RGS7BP: variants seen among roughly 807,000 people sequenced by gnomAD.
The protein encoded by RGS7BP is regulator of G protein signaling 7-binding protein.
A neutral mutation model predicts 31.3 loss-of-function variants in RGS7BP; 9 were observed. The observed-to-expected ratio is 0.29, with a 90% CI of 0.17 to 0.50. The LOEUF (loss-of-function observed/expected upper bound fraction) is 0.50, where lower values mean the gene tolerates loss of function less well. RGS7BP is among the 20% of genes least tolerant of loss of function. The pLI is 0.98. For missense variants in RGS7BP, 274 were observed against 322.0 expected, an observed-to-expected ratio of 0.85 and a Z score of 1.14; for synonymous variants, 115 against 120.1, an observed-to-expected ratio of 0.96 and a Z score of 0.28.
At chr5:64,530,341 C>A (rs530998027) in intron 2 of RGS7BP, among the ~76,000 whole-genome samples, 3 of 152,244 alleles carry the variant, frequency 2.0e-5, no homozygotes, top group East Asian at 3.9e-4. Flanking sequence ...AGATTGCATA[C>A]AAAATGAGAT....
At chr5:64,524,705 G>A (rs1217904560) in intron 2 of RGS7BP, among the ~76,000 whole-genome samples, 1 of 152,028 alleles carries the variant, frequency 6.6e-6, no homozygotes, top group Non-Finnish European at 1.5e-5. Flanking sequence ...AGCCCCCAAA[G>A]AGATAGTGCA....
In RGS7BP at chr5:64,551,969, GCTTGACAACTGCATGTTTGATAC is replaced by G. The variant is rs1412301153; in HGVS notation, c.333-23801_333-23779del. 2.6e-5 allele frequency among the ~76,000 whole-genome samples: 4 copies of G among 152,250 alleles called. No individual in the cohort carries two copies. The East Asian group carries it at 7.7e-4, about 29-fold the overall frequency. On this transcript the variant is annotated intron_variant, in intron 2 of 5. Transcript: ENST00000334025. ...GTATACTAAAAACAGAAGCAGGTTA[GCTTGACAACTGCATGTTTGATAC>G]CTTATAAACTGGATTAGAATTTGTA...
chr5:64,518,770 A>G (rs17191346), intron 2 of RGS7BP, among the ~76,000 whole-genome samples: 4,932 of 152,272 alleles, frequency 0.032, 98 homozygotes, highest in Middle Eastern at 0.078. Context: ...ACATTGGTTC[A>G]TGATTGAAGA....
intron 2 of RGS7BP, among the ~76,000 whole-genome samples, chr5:64,545,339 A>C (rs906064623): frequency 2.0e-5 from 3 of 152,086 alleles, no homozygotes; most frequent in African/African-American, 4.8e-5. Flanking sequence ...GGTGCAGCAC[A>C]CCAACATGGC....
At chr5:64,589,296 AAAAAAAAAC>A (rs1353823660) in intron 3 of RGS7BP, among the ~76,000 whole-genome samples, 1 of 150,692 alleles carries the variant, frequency 6.6e-6, no homozygotes, top group Non-Finnish European at 1.5e-5. Context: ...ACTCTGTCTC[AAAAAAAAAC>A]AAAAAAAAAA....
At chr5:64,538,215 TAC>T (rs886436717) in intron 2 of RGS7BP, among the ~76,000 whole-genome samples, 7 of 152,242 alleles carry the variant, frequency 4.6e-5, no homozygotes, top group Non-Finnish European at 8.8e-5. Flanking sequence ...TGGCTTAACT[TAC>T]ACACAATAAA....
chr5:64,602,497 G>C (rs1003702311), intron 5 of RGS7BP, among the ~76,000 whole-genome samples: 50 of 152,120 alleles, frequency 3.3e-4, no homozygotes, highest in Admixed American at 3.3e-3. Flanking sequence ...AGCAGCCTTT[G>C]TCCCCATCCT....
At chr5:64,548,061 A>G (rs1741702394) in intron 2 of RGS7BP, among the ~76,000 whole-genome samples, 1 of 152,184 alleles carries the variant, frequency 6.6e-6, no homozygotes, top group Admixed American at 6.5e-5. Flanking sequence ...ATGACAATTC[A>G]TATAACATTA....
intron 2 of RGS7BP, among the ~76,000 whole-genome samples, chr5:64,512,340 G>GA (rs1748860431): frequency 1.3e-5 from 2 of 152,092 alleles, no homozygotes; most frequent in Non-Finnish European, 2.9e-5. Flanking sequence ...ACTTGCTAAG[G>GA]ACATGGGTGA....
chr5:64,530,954 G>T (rs1211385791), intron 2 of RGS7BP, among the ~76,000 whole-genome samples: 1 of 152,156 alleles, frequency 6.6e-6, no homozygotes, highest in African/African-American at 2.4e-5. Flanking sequence ...GGCTGGCCAG[G>T]ATGTTGCCCT....
chr5:64,584,854 G>A (rs1742700497), intron 3 of RGS7BP, among the ~76,000 whole-genome samples: 1 of 152,186 alleles, frequency 6.6e-6, no homozygotes, highest in African/African-American at 2.4e-5. Flanking sequence ...TTACCACAGT[G>A]TGGAAAAACC....
At chr5:64,569,235 G>C (rs1295288772) in intron 2 of RGS7BP, among the ~76,000 whole-genome samples, 2 of 152,062 alleles carry the variant, frequency 1.3e-5, no homozygotes, top group African/African-American at 4.8e-5. Flanking sequence ...GGGAATTACT[G>C]CAATTATTCT....
intron 2 of RGS7BP, among the ~76,000 whole-genome samples, chr5:64,510,540 G>T (rs73109032): frequency 7.9e-5 from 12 of 152,176 alleles, no homozygotes; most frequent in Admixed American, 2.6e-4. Context: ...GACTGGAGGC[G>T]AGAGCAGGTA....
intron 5 of RGS7BP, among the ~76,000 whole-genome samples, chr5:64,599,331 C>T (rs1000352328): frequency 6.6e-6 from 1 of 152,192 alleles, no homozygotes; most frequent in African/African-American, 2.4e-5. Flanking sequence ...AAGAAAGAAA[C>T]TCTTCTTGTT....
intron 2 of RGS7BP, among the ~76,000 whole-genome samples, chr5:64,543,053 T>C (rs1291530041): frequency 6.6e-6 from 1 of 152,210 alleles, no homozygotes; most frequent in Non-Finnish European, 1.5e-5. Context: ...TGATAGTTCA[T>C]ATTTAAAAGT....
intron 2 of RGS7BP, among the ~76,000 whole-genome samples, chr5:64,545,304 C>T (rs189358008): frequency 1.3e-5 from 2 of 151,502 alleles, no homozygotes; most frequent in Admixed American, 1.3e-4. Context: ...AGGAGACATA[C>T]CTGATGTTAA....
chr5:64,517,316 AAT>A (rs1423253550), intron 2 of RGS7BP, among the ~76,000 whole-genome samples: 1 of 152,224 alleles, frequency 6.6e-6, no homozygotes, highest in Non-Finnish European at 1.5e-5. Context: ...AAGACTTGGG[AAT>A]ACAGTCTTTT....
intron 3 of RGS7BP, among the ~76,000 whole-genome samples, chr5:64,587,577 C>T (rs1742792735): frequency 6.6e-6 from 1 of 152,140 alleles, no homozygotes; most frequent in Non-Finnish European, 1.5e-5. Flanking sequence ...ACTATCAGTG[C>T]TTGCCCCAGG....
chr5:64,508,581 C>G (rs1748756013), intron 2 of RGS7BP, among the ~76,000 whole-genome samples: 1 of 152,100 alleles, frequency 6.6e-6, no homozygotes. Context: ...CACTTTCTTT[C>G]ATCTCTTAAT....
Sources: allele counts gnomAD v4.1 joint callset (sites outside exome capture counted in the v4.1 genomes callset), GRCh38; gene constraint gnomAD v4.1.1; transcripts MANE v1.5; gene names NCBI Gene and HGNC (gene_info 2026-07-23, HGNC 2026-07-21).